Variants in MAST2 observed in about 807,000 individuals in gnomAD.
MAST2 encodes the protein microtubule associated serine/threonine kinase 2.
A neutral mutation model predicts 147.4 loss-of-function variants in MAST2; 70 were observed. The ratio of observed to expected loss-of-function variants is 0.47; its 90% CI spans 0.39 to 0.58. The LOEUF (loss-of-function observed/expected upper bound fraction) is 0.58. MAST2 is among the 20% of genes least tolerant of loss of function. The pLI, the probability that MAST2 is intolerant of heterozygous loss-of-function variation, is 0.00. For missense variants in MAST2, 2,080 were observed against 2,302.3 expected (o/e 0.90, Z 1.98); for synonymous variants, 869 against 896.8 (o/e 0.97, Z 0.55).
intron 4 of MAST2, among the ~76,000 whole-genome samples, chr1:45,942,277 G>A (rs1270167495): frequency 6.6e-6 from 1 of 151,820 alleles, no homozygotes; most frequent in African/African-American, 2.4e-5. Flanking sequence ...CAGTAATGTT[G>A]TAAATTAACT....
At chr1:45,857,850 G>GTTTTTTTTTTTTTTTTTTTTTTTTTT in intron 3 of MAST2, among the ~76,000 whole-genome samples, 1 of 66,572 alleles carries the variant, frequency 1.5e-5, no homozygotes, top group Non-Finnish European at 2.7e-5. Context: ...AACATGCGGT[G>GTTTTTTTTTTTTTTTTTTTTTTTTTT]TTTTTTTTTT....
At chr1:45,917,520 CCACTGCCGTGGAGGTA>C (rs1652750772) in intron 4 of MAST2, 4 of 1,366,532 alleles carry the variant, frequency 2.9e-6, no homozygotes, top group Non-Finnish European at 3.9e-6. Context: ...TTCCAGCCGC[CCACTGCCGTGGAGGTA>C]AGGAAACTTG....
intron 4 of MAST2, among the ~76,000 whole-genome samples, chr1:45,892,819 T>C (rs766525837): frequency 5.3e-5 from 8 of 152,214 alleles, no homozygotes; most frequent in Non-Finnish European, 1.0e-4. Context: ...AAGTTGTTTT[T>C]GTCACATGTA....
chr1:46,019,757 T>C (rs1571234616), intron 11 of MAST2, 60 bp downstream of exon 11: 1 of 1,419,554 alleles, frequency 7.0e-7, no homozygotes. Context: ...AGAGGAAGTA[T>C]CCTGATGACA....
intron 3 of MAST2, among the ~76,000 whole-genome samples, chr1:45,875,651 T>A (rs1367575544): frequency 1.3e-5 from 2 of 151,986 alleles, no homozygotes; most frequent in African/African-American, 2.4e-5. Context: ...ATTGACAGAT[T>A]AAAGATAGAT....
intron 4 of MAST2, among the ~76,000 whole-genome samples, chr1:45,892,756 C>T (rs760807726): frequency 5.9e-5 from 9 of 152,188 alleles, no homozygotes; most frequent in African/African-American, 9.7e-5. Context: ...CAGAATCTCT[C>T]TGCATGTGAC....
chr1:45,910,843 A>G (rs1651550100), intron 4 of MAST2, among the ~76,000 whole-genome samples: 1 of 152,188 alleles, frequency 6.6e-6, no homozygotes, highest in African/African-American at 2.4e-5. Flanking sequence ...ACAGCCCATA[A>G]ATGGCGTTCT....
At chr1:45,958,280 C>A (rs568637660) in intron 4 of MAST2, among the ~76,000 whole-genome samples, 14 of 152,262 alleles carry the variant, frequency 9.2e-5, no homozygotes, top group African/African-American at 3.4e-4. Flanking sequence ...TAACCTACTT[C>A]TTTTTCTGTC....
chr1:46,021,110 A>G (rs1646162847), intron 11 of MAST2, among the ~76,000 whole-genome samples: 1 of 152,160 alleles, frequency 6.6e-6, no homozygotes, highest in African/African-American at 2.4e-5. Context: ...CATTCTGACC[A>G]AATAGGAGCT....
chr1:45,945,506 C>T (rs1657896272), intron 4 of MAST2, among the ~76,000 whole-genome samples: 1 of 152,168 alleles, frequency 6.6e-6, no homozygotes, highest in Non-Finnish European at 1.5e-5. Flanking sequence ...TAGAAACTAA[C>T]TGTGTTCTAA....
At chr1:45,889,688 C>G (rs760088138) in intron 4 of MAST2, among the ~76,000 whole-genome samples, 13 of 152,018 alleles carry the variant, frequency 8.6e-5, no homozygotes, top group Admixed American at 3.3e-4. Flanking sequence ...TCACTGCAAC[C>G]TCCACCTCCT....
At chr1:45,882,012 TAAAAAAAAAAAAAAAAA>T (rs71062722) in intron 3 of MAST2, among the ~76,000 whole-genome samples, 2 of 39,834 alleles carry the variant, frequency 5.0e-5, no homozygotes, top group Non-Finnish European at 9.4e-5. Context: ...CCGTCTCTAC[TAAAAAAAAAAAAAAAAA>T]AAAAAAAAAA....
chr1:45,879,616 C>G (rs975001380), intron 3 of MAST2, among the ~76,000 whole-genome samples: 1 of 146,164 alleles, frequency 6.8e-6, no homozygotes, highest in East Asian at 2.0e-4. Flanking sequence ...CTTTAGTAGG[C>G]AAGCCACAGA....
At chr1:45,817,525 G>A (rs760559543) in intron 1 of MAST2, among the ~76,000 whole-genome samples, 1 of 152,158 alleles carries the variant, frequency 6.6e-6, no homozygotes, top group African/African-American at 2.4e-5. Context: ...TCATAAGACA[G>A]AGAAGTCGAG....
intron 4 of MAST2, among the ~76,000 whole-genome samples, chr1:45,946,903 G>A (rs1248168512): frequency 6.6e-6 from 1 of 152,094 alleles, no homozygotes; most frequent in Non-Finnish European, 1.5e-5. Flanking sequence ...TCAGAGTTTT[G>A]CACCAGTCCC....
chr1:45,977,445 G>A (rs1034898193), intron 5 of MAST2, among the ~76,000 whole-genome samples: 13 of 151,654 alleles, frequency 8.6e-5, no homozygotes, highest in African/African-American at 2.2e-4. Context: ...CCGAGGTGGC[G>A]CCATTGCATT....
intron 6 of MAST2, among the ~76,000 whole-genome samples, chr1:45,998,797 G>A (rs949066267): frequency 6.6e-6 from 1 of 150,872 alleles, no homozygotes; most frequent in Non-Finnish European, 1.5e-5. Context: ...GCATGATCTC[G>A]GCTCACTGCA....
At chr1:45,883,519 T>G (rs915237714) in intron 4 of MAST2, among the ~76,000 whole-genome samples, 2 of 152,224 alleles carry the variant, frequency 1.3e-5, no homozygotes, top group African/African-American at 4.8e-5. Flanking sequence ...TCACTTTATC[T>G]TCTTAAACCT....
At chr1:45,911,948 A>G (rs941075917) in intron 4 of MAST2, among the ~76,000 whole-genome samples, 30 of 150,702 alleles carry the variant, frequency 2.0e-4, no homozygotes, top group Non-Finnish European at 3.8e-4. Context: ...TTGAGTAGAA[A>G]CTTAGGATTC....
Sources: allele counts gnomAD v4.1 joint callset (sites outside exome capture counted in the v4.1 genomes callset), GRCh38; gene constraint gnomAD v4.1.1; transcripts MANE v1.5; gene names NCBI Gene and HGNC (gene_info 2026-07-23, HGNC 2026-07-21).